Variants in COMMD6 observed in about 807,000 individuals in gnomAD.
COMMD6 encodes the protein COMM domain-containing protein 6.
Under a neutral mutation model 13.4 loss-of-function variants are expected in COMMD6, and 11 were observed. The observed-to-expected ratio is 0.82, with a 90% CI of 0.52 to 1.36. COMMD6 has a LOEUF of 1.36. COMMD6 is among the 40% of genes most tolerant of loss of function. The pLI is 0.00. For synonymous variants in COMMD6, 43 were observed against 36.5 expected, an observed-to-expected ratio of 1.18 and a Z score of -0.64; for missense variants, 124 against 102.4, an observed-to-expected ratio of 1.21 and a Z score of -0.91.
intron 1 of COMMD6, among the ~76,000 whole-genome samples, chr13:75,548,218 T>A (rs2138433458): frequency 6.6e-6 from 1 of 152,342 alleles, no homozygotes; most frequent in South Asian, 2.1e-4. Flanking sequence ...GTAACTCTAG[T>A]GATAATGCAA....
intron 2 of COMMD6, among the ~76,000 whole-genome samples, chr13:75,535,671 T>C (rs1468472088): frequency 1.3e-5 from 2 of 152,166 alleles, no homozygotes; most frequent in Non-Finnish European, 2.9e-5. Flanking sequence ...TCTCACCAAT[T>C]TGGGGGACAG....
intron 2 of COMMD6, among the ~76,000 whole-genome samples, chr13:75,536,849 C>T (rs2030680604): frequency 1.3e-5 from 2 of 152,138 alleles, no homozygotes; most frequent in Admixed American, 6.5e-5. Context: ...CAAAACTTAA[C>T]GTAAGAGAAT....
chr13:75,533,601 G>T (rs529893670), intron 2 of COMMD6, among the ~76,000 whole-genome samples: 1 of 150,386 alleles, frequency 6.6e-6, no homozygotes, highest in Non-Finnish European at 1.5e-5. Flanking sequence ...GAGAGAGAGA[G>T]ATATTCTTCT....
At chr13:75,543,571 G>A (rs886469337), upstream of COMMD6, among the ~76,000 whole-genome samples, 1 of 152,214 alleles carries the variant, frequency 6.6e-6, no homozygotes, top group African/African-American at 2.4e-5. Flanking sequence ...ATAACAATGA[G>A]TGCTGCGATC....
chr13:75,532,602 T>C (rs539713423), intron 2 of COMMD6, among the ~76,000 whole-genome samples: 13 of 152,048 alleles, frequency 8.5e-5, no homozygotes, highest in South Asian at 6.2e-4. Context: ...GAGGCCGAGG[T>C]GGGCGGATCA....
upstream of COMMD6, among the ~76,000 whole-genome samples, chr13:75,539,151 C>CTCTGA (rs2030778003): frequency 1.3e-5 from 2 of 152,054 alleles, no homozygotes; most frequent in Non-Finnish European, 2.9e-5. Context: ...TGCCACATCT[C>CTCTGA]TCTGACTCTA....
At chr13:75,529,862 T>A (rs2030407847) in intron 3 of COMMD6, 2 of 334,542 alleles carry the variant, frequency 6.0e-6, no homozygotes, top group Non-Finnish European at 1.1e-5. Context: ...TTCCTAAATA[T>A]ACTCAGAGAG....
chr13:75,530,588 A>T (rs1249735152), intron 2 of COMMD6: 3 of 188,896 alleles, frequency 1.6e-5, no homozygotes, highest in African/African-American at 4.7e-5. Context: ...ACAGGCTTGG[A>T]GTATCTTTTA....
At chr13:75,537,522 A>G in intron 2 of COMMD6, 142 bp downstream of exon 2, 1 of 1,575,100 alleles carries the variant, frequency 6.3e-7, no homozygotes, top group Non-Finnish European at 8.6e-7. Flanking sequence ...AAAGAGAAGG[A>G]GCAATGCAAG....
intron 2 of COMMD6, among the ~76,000 whole-genome samples, chr13:75,536,205 T>C (rs1227379989): frequency 6.6e-6 from 1 of 152,238 alleles, no homozygotes; most frequent in African/African-American, 2.4e-5. Flanking sequence ...ATGACATCTT[T>C]AAAATTATAT....
chr13:75,543,815 G>A (rs78558748), intron 1 of COMMD6, among the ~76,000 whole-genome samples: 3,212 of 152,180 alleles, frequency 0.021, 124 homozygotes, highest in African/African-American at 0.072. Flanking sequence ...TCATCAGCAC[G>A]ATATTCAATA....
chr13:75,538,295 T>C (rs1407173430), upstream of COMMD6, among the ~76,000 whole-genome samples: 1 of 152,242 alleles, frequency 6.6e-6, no homozygotes, highest in Non-Finnish European at 1.5e-5. Context: ...TGCTTTCCAT[T>C]ATCCCTGCTG....
chr13:75,544,926 C>CAACAAA (rs2030881484), intron 1 of COMMD6, among the ~76,000 whole-genome samples: 1 of 104,546 alleles, frequency 9.6e-6, no homozygotes, highest in African/African-American at 3.5e-5. Context: ...ACTCTGTCTC[C>CAACAAA]AAAAAAAAAA....
chr13:75,529,563 TCCCACCTCCCC>T (rs139505287), intron 3 of COMMD6: 12,270 of 149,490 alleles, frequency 0.082, 809 homozygotes, highest in East Asian at 0.25. Context: ...CCTGATTTAT[TCCCACCTCCCC>T]CCCACCTTTT....
At chr13:75,541,359 G>T (rs1310486636), upstream of COMMD6, among the ~76,000 whole-genome samples, 1 of 152,016 alleles carries the variant, frequency 6.6e-6, no homozygotes, top group East Asian at 1.9e-4. Context: ...CTTCTCAGTT[G>T]TGGTATGGCC....
chr13:75,543,036 A>G (rs1463476341), upstream of COMMD6, among the ~76,000 whole-genome samples: 1 of 152,258 alleles, frequency 6.6e-6, no homozygotes, highest in Non-Finnish European at 1.5e-5. Context: ...TTGCAGCAAC[A>G]TGGATGGGGC....
At chr13:75,528,001 G>GCACACA (rs57959582) in intron 3 of COMMD6, 6 of 287,796 alleles carry the variant, frequency 2.1e-5, no homozygotes, top group Admixed American at 5.6e-5. Context: ...CATGCCCTCA[G>GCACACA]CACACACACA....
rs2030738559 is a variant in COMMD6 at position 75,537,839 on chromosome 13, G to C, written c.-34C>G. 1 of 1,572,738 alleles carries C rather than the reference G, an allele frequency of 6.4e-7. No homozygotes were observed. The highest frequency in any genetic ancestry group is 1.8e-5 in the Admixed American group (1 of 55,872). On this transcript the variant is annotated 5_prime_UTR_variant, in exon 1 of 4. Transcript: ENST00000682242. Reference sequence around the variant, plus strand: ...TCTGGGACTTGCGGCCCGGACTCGAGAGAACGCCCCCAGACCAGCGCTTCC... The same window carrying C: ...TCTGGGACTTGCGGCCCGGACTCGACAGAACGCCCCCAGACCAGCGCTTCC...
upstream of COMMD6, among the ~76,000 whole-genome samples, chr13:75,541,961 A>T (rs1401628932): frequency 1.3e-5 from 2 of 152,240 alleles, no homozygotes; most frequent in Non-Finnish European, 2.9e-5. Flanking sequence ...TACATATGCC[A>T]TAGTAAACTA....
Sources: gnomAD v4.1 joint callset for allele counts (sites outside exome capture counted in the v4.1 genomes callset) on GRCh38, gnomAD v4.1.1 for gene constraint, MANE v1.5 for transcripts, NCBI Gene and HGNC (gene_info 2026-07-23, HGNC 2026-07-21) for gene names.